B3GLCT: variants seen among roughly 807,000 people sequenced by gnomAD.
B3GLCT encodes the protein beta-1,3-glucosyltransferase.
Under a neutral mutation model 63.4 loss-of-function variants are expected in B3GLCT, and 65 were observed. The observed-to-expected ratio is 1.03, with a 90% CI of 0.84 to 1.26. The LOEUF (loss-of-function observed/expected upper bound fraction) is 1.26. B3GLCT is among the 50% of genes most tolerant of loss of function. The probability of loss-of-function intolerance (pLI) is 0.00; values close to 1 mark genes in which losing one functional copy is unlikely to be tolerated. For missense variants in B3GLCT, 577 were observed against 604.8 expected, an observed-to-expected ratio of 0.95 and a Z score of 0.48; for synonymous variants, 233 against 219.2, an observed-to-expected ratio of 1.06 and a Z score of -0.55.
chr13:31,272,088 C>T (rs1160059448), intron 8 of B3GLCT, among the ~76,000 whole-genome samples: 1 of 152,096 alleles, frequency 6.6e-6, no homozygotes, highest in East Asian at 1.9e-4. Context: ...GCCTTTTCCC[C>T]CCACCCTCCA....
Position 31,269,244 on chromosome 13 carries a change from G to A in B3GLCT, c.627G>A (p.Leu209=). 2 of 1,610,324 alleles carry A rather than the reference G, an allele frequency of 1.2e-6. No homozygotes were observed. The highest frequency in any genetic ancestry group is 1.7e-6 in the Non-Finnish European group (2 of 1,176,912). ...KLTKRLKSES[L]KSDFTIDLKH... is the part of the protein sequence containing the mutation. ...CCAAGAGACTAAAGAGTGAATCCTT[G>A]AAATCCGACTTTACAATAGATTTAA... is the stretch of plus-strand genomic sequence containing the variant. The change falls in exon 8 of 15, where the codon TTG becomes TTA. Residue 209 remains leucine, a synonymous_variant. Transcript: ENST00000343307.
At chr13:31,308,344 A>T (rs1351247077) in intron 12 of B3GLCT, among the ~76,000 whole-genome samples, 7 of 18,512 alleles carry the variant, frequency 3.8e-4, no homozygotes, top group Non-Finnish European at 1.1e-3. Flanking sequence ...AAAAAAAAAA[A>T]ATTAAAAAAA....
intron 3 of B3GLCT, among the ~76,000 whole-genome samples, chr13:31,223,326 CT>C (rs1407320357): frequency 3.9e-5 from 6 of 152,162 alleles, no homozygotes; most frequent in Admixed American, 1.3e-4. Flanking sequence ...GACATGGTCC[CT>C]GTTATTAAGG....
chr13:31,274,405 C>T lies in B3GLCT; in HGVS notation c.661-104C>T, dbSNP rs1034986813. ...ACAAATTGATATGGTTCAGCCTACT[C>T]TCTATGGAAGATGTGTTCTGCTTTC... On this transcript the variant is annotated intron_variant, in intron 8 of 14. Transcript: ENST00000343307. 4.1e-6 allele frequency: 6 copies of T among 1,457,604 alleles called. No individual in the cohort carries two copies. In the Admixed American group the frequency reaches 8.5e-5, roughly 21 times the overall value. 90.3% of individuals were successfully genotyped at this position (1,457,604 alleles called of 1,614,324 possible). A position where few individuals can be genotyped will look rare whatever the true frequency, so the allele number is the denominator to read the frequency against.
intron 8 of B3GLCT, among the ~76,000 whole-genome samples, chr13:31,272,448 C>T (rs1016050736): frequency 2.0e-5 from 3 of 151,930 alleles, no homozygotes; most frequent in Non-Finnish European, 2.9e-5. Context: ...GAATTCCTGA[C>T]CTTGTGATCT....
intron 7 of B3GLCT, among the ~76,000 whole-genome samples, chr13:31,266,612 CAT>C (rs1391361285): frequency 6.6e-6 from 1 of 152,154 alleles, no homozygotes; most frequent in African/African-American, 2.4e-5. Context: ...GGATGACTGA[CAT>C]AGGCCTGAGA....
chr13:31,272,727 C>T (rs906538110), intron 8 of B3GLCT, among the ~76,000 whole-genome samples: 3 of 152,206 alleles, frequency 2.0e-5, no homozygotes, highest in Non-Finnish European at 4.4e-5. Flanking sequence ...GATTATCCCA[C>T]TCCCAACTTA....
rs1487644691 is a variant in B3GLCT, at chr13:31,284,868, G to A, written c.964+107G>A. On this transcript the variant is annotated intron_variant, in intron 11 of 14. Coordinates refer to ENST00000343307, the MANE Select transcript of B3GLCT (RefSeq NM_194318.4). Reference sequence around the variant, plus strand: ...ATGTTTTATAAGTGCTATAATTTTTGCCTCATATTAGTTTTTTCCCTTCTC... The same window carrying A: ...ATGTTTTATAAGTGCTATAATTTTTACCTCATATTAGTTTTTTCCCTTCTC... The A allele has an allele frequency of 2.3e-5, 18 of 770,506 alleles. No homozygotes were observed. In the East Asian group the frequency reaches 4.3e-4, roughly 18 times the overall value. The allele number at this position is 770,506 out of a possible 1,614,324, so 47.7% of individuals were successfully genotyped here.
At chr13:31,276,913 A>G (rs1186541487) in intron 10 of B3GLCT, 142 bp downstream of exon 10, 13 of 702,004 alleles carry the variant, frequency 1.9e-5, no homozygotes, top group East Asian at 2.7e-5. Context: ...TATTTAATCA[A>G]TACTCCTCAT....
intron 5 of B3GLCT, 50 bp downstream of exon 5, chr13:31,247,149 CT>C: frequency 1.5e-6 from 2 of 1,362,854 alleles, no homozygotes; most frequent in Non-Finnish European, 2.1e-6. Flanking sequence ...TACCTGAACA[CT>C]TTTACGCCCT....
chr13:31,226,342 G>A (rs1399265818), intron 3 of B3GLCT, among the ~76,000 whole-genome samples: 6 of 152,226 alleles, frequency 3.9e-5, no homozygotes, highest in African/African-American at 1.4e-4. Flanking sequence ...AATGAATGAA[G>A]CGTGCATGAT....
chr13:31,205,762 A>G (rs912854808), intron 1 of B3GLCT, among the ~76,000 whole-genome samples: 2 of 152,182 alleles, frequency 1.3e-5, no homozygotes, highest in Admixed American at 6.5e-5. Context: ...TTTACTCAAA[A>G]TGTGTATATA....
chr13:31,264,320 G>A (rs951416901), intron 7 of B3GLCT, among the ~76,000 whole-genome samples: 3 of 152,042 alleles, frequency 2.0e-5, no homozygotes, highest in South Asian at 2.1e-4. Context: ...GCACTTCCCC[G>A]TGACTCCAGT....
Position 31,257,809 on chromosome 13 carries a change from G to A in B3GLCT, c.460-3137G>A, listed in dbSNP as rs563832872. On this transcript the variant is annotated intron_variant, in intron 6 of 14. Transcript: ENST00000343307. ...ATGCTCTAGTTTCTTCAGTAGAGGC[G>A]AGTTGCTTTTTAAATCTTTCCTGGA... Among the ~76,000 whole-genome samples, 6 of 152,194 alleles carry A rather than the reference G, an allele frequency of 3.9e-5. No individual in the cohort carries two copies. The South Asian group carries it at 6.2e-4, about 16-fold the overall frequency.
rs71192685 is a variant in B3GLCT, at chr13:31,207,287, ATTT to A, written c.70+7143_70+7145del. Among the ~76,000 whole-genome samples, 3 of 148,788 alleles carry A rather than the reference ATTT, an allele frequency of 2.0e-5. 1 individual carries two copies. The highest frequency in any genetic ancestry group is 7.4e-5 in the African/African-American group (3 of 40,430). ...TTTAAAGGAATCGCGTAAACTGCTA[ATTT>A]TTTTTTTTTGTTTGAATGTTTGCTG... On this transcript the variant is annotated intron_variant, in intron 1 of 14. Transcript: ENST00000343307.
rs886396170 is a variant in B3GLCT, at chr13:31,329,755, T to A, written c.*87T>A. The A allele has an allele frequency of 6.9e-7, 1 of 1,443,778 alleles. No individual in the cohort carries two copies. The highest frequency in any genetic ancestry group is 1.2e-5 in the South Asian group (1 of 85,772). 89.4% of individuals were successfully genotyped at this position (1,443,778 alleles called of 1,614,324 possible). A position where few individuals can be genotyped will look rare whatever the true frequency, so the allele number is the denominator to read the frequency against. Reference sequence around the variant, plus strand: ...CACTGTGCTGTGCTCACAACACTTGTGTCTGCCACATGGCATTGGGTGCTT... The same window carrying A: ...CACTGTGCTGTGCTCACAACACTTGAGTCTGCCACATGGCATTGGGTGCTT... On this transcript the variant is annotated 3_prime_UTR_variant, in exon 15 of 15. Coordinates refer to ENST00000343307, the MANE Select transcript of B3GLCT (RefSeq NM_194318.4).
At chr13:31,263,746 G>C (rs1872157413) in intron 7 of B3GLCT, among the ~76,000 whole-genome samples, 1 of 152,156 alleles carries the variant, frequency 6.6e-6, no homozygotes, top group Admixed American at 6.5e-5. Context: ...CATTGTGTTT[G>C]TGAGATCATT....
chr13:31,270,623 T>C (rs904011184), intron 8 of B3GLCT, among the ~76,000 whole-genome samples: 2 of 152,214 alleles, frequency 1.3e-5, no homozygotes, highest in Non-Finnish European at 2.9e-5. Context: ...TGAGTGACCT[T>C]GAGGCTACCT....
chr13:31,267,322 A>T (rs1163074218), intron 7 of B3GLCT, among the ~76,000 whole-genome samples: 1 of 152,204 alleles, frequency 6.6e-6, no homozygotes, highest in Non-Finnish European at 1.5e-5. Context: ...CCCGGGTATG[A>T]CTTTTCTGTC....
Sources: gnomAD v4.1 joint callset for allele counts (sites outside exome capture counted in the v4.1 genomes callset) on GRCh38, gnomAD v4.1.1 for gene constraint, MANE v1.5 for transcripts, NCBI Gene and HGNC (gene_info 2026-07-23, HGNC 2026-07-21) for gene names.